The following CTNNA3 variants were observed in gnomAD, a reference collection of about 807,000 sequenced individuals.
The protein encoded by CTNNA3 is catenin alpha 3.
A neutral mutation model predicts 95.7 loss-of-function variants in CTNNA3; 76 were observed. That is an observed-to-expected ratio of 0.79 (90% CI 0.66 to 0.96). The LOEUF is 0.96. Among genes scored for constraint, CTNNA3 ranks in the 40% least tolerant of loss-of-function variants. CTNNA3 has a pLI of 0.00. For synonymous variants in CTNNA3, 431 were observed against 374.4 expected (o/e 1.15, Z -1.74); for missense variants, 1,191 against 1,089.8 (o/e 1.09, Z -1.31).
At chr10:67,146,244 C>G (rs1448804021) in intron 7 of CTNNA3, among the ~76,000 whole-genome samples, 3 of 152,164 alleles carry the variant, frequency 2.0e-5, no homozygotes, top group Non-Finnish European at 4.4e-5. Context: ...GTGCCTAGCT[C>G]TCTGTGAATT....
chr10:67,150,250 G>T (rs1175380254), intron 7 of CTNNA3, among the ~76,000 whole-genome samples: 2 of 152,048 alleles, frequency 1.3e-5, no homozygotes, highest in Non-Finnish European at 2.9e-5. Flanking sequence ...ATGGAATTTT[G>T]ATTTGCAAAC....
intron 5 of CTNNA3, among the ~76,000 whole-genome samples, chr10:67,224,528 C>A (rs1426127314): frequency 1.3e-5 from 2 of 152,156 alleles, no homozygotes; most frequent in Non-Finnish European, 1.5e-5. Flanking sequence ...GGAGACACCA[C>A]AAATACTGTG....
At chr10:67,527,530 C>A (rs1840185630) in intron 4 of CTNNA3, among the ~76,000 whole-genome samples, 1 of 152,198 alleles carries the variant, frequency 6.6e-6, no homozygotes, top group Admixed American at 6.5e-5. Context: ...TGAAAATTTT[C>A]AGTTGAGCAA....
At chr10:66,789,848 A>G (rs1840898566) in intron 7 of CTNNA3, among the ~76,000 whole-genome samples, 1 of 152,188 alleles carries the variant, frequency 6.6e-6, no homozygotes, top group South Asian at 2.1e-4. Flanking sequence ...TTGGGAGCTA[A>G]GGGCAGCAAG....
At chr10:67,233,027 T>G (rs1461784422) in intron 5 of CTNNA3, among the ~76,000 whole-genome samples, 2 of 152,192 alleles carry the variant, frequency 1.3e-5, no homozygotes, top group African/African-American at 4.8e-5. Context: ...CTGAGTGACC[T>G]ACAAAGAGAC....
At chr10:66,836,395 T>C (rs906214727) in intron 7 of CTNNA3, among the ~76,000 whole-genome samples, 1 of 152,146 alleles carries the variant, frequency 6.6e-6, no homozygotes, top group Non-Finnish European at 1.5e-5. Flanking sequence ...AGGAGAGTCA[T>C]GTGAAGATCC....
At chr10:67,021,202 C>T (rs1488305276) in intron 7 of CTNNA3, among the ~76,000 whole-genome samples, 1 of 152,032 alleles carries the variant, frequency 6.6e-6, no homozygotes, top group Admixed American at 6.6e-5. Flanking sequence ...GTTCAATTAT[C>T]CAACACAATA....
At chr10:67,175,923 G>A (rs779075905) in intron 7 of CTNNA3, among the ~76,000 whole-genome samples, 3 of 152,002 alleles carry the variant, frequency 2.0e-5, no homozygotes, top group Non-Finnish European at 2.9e-5. Flanking sequence ...ACAGGGCCTC[G>A]TTGCTCTGCC....
chr10:66,703,042 T>G (rs1848006420), intron 9 of CTNNA3, among the ~76,000 whole-genome samples: 1 of 152,174 alleles, frequency 6.6e-6, no homozygotes, highest in Admixed American at 6.5e-5. Context: ...TTCTTTGATA[T>G]TTACTTCTGC....
At chr10:66,195,026 T>C (rs1427195938) in intron 13 of CTNNA3, among the ~76,000 whole-genome samples, 1 of 152,194 alleles carries the variant, frequency 6.6e-6, no homozygotes, top group Non-Finnish European at 1.5e-5. Flanking sequence ...ATGCATACTT[T>C]CAAAATGACA....
At chr10:65,927,441 C>T (rs1380109857) in intron 17 of CTNNA3, among the ~76,000 whole-genome samples, 1 of 152,104 alleles carries the variant, frequency 6.6e-6, no homozygotes, top group African/African-American at 2.4e-5. Flanking sequence ...TTCCTTAAGC[C>T]TATTATCAGT....
intron 9 of CTNNA3, among the ~76,000 whole-genome samples, chr10:66,703,448 G>A (rs1232560554): frequency 6.6e-6 from 1 of 152,116 alleles, no homozygotes; most frequent in Non-Finnish European, 1.5e-5. Flanking sequence ...CATTATTTTT[G>A]ATGAAAATTT....
At chr10:67,740,002 C>T (rs867837222) in intron 1 of CTNNA3, among the ~76,000 whole-genome samples, 1 of 152,088 alleles carries the variant, frequency 6.6e-6, no homozygotes, top group East Asian at 1.9e-4. Flanking sequence ...GAAATAACGC[C>T]GCATATCTAC....
At chr10:66,020,888 T>A (rs967551417) in intron 15 of CTNNA3, among the ~76,000 whole-genome samples, 2 of 152,050 alleles carry the variant, frequency 1.3e-5, no homozygotes, top group Non-Finnish European at 2.9e-5. Flanking sequence ...TTAGCCAGGA[T>A]GGTCTCGATC....
chr10:66,784,607 T>G (rs975301889), intron 7 of CTNNA3, among the ~76,000 whole-genome samples: 7 of 152,192 alleles, frequency 4.6e-5, no homozygotes, highest in Non-Finnish European at 8.8e-5. Context: ...TCCATTCTTC[T>G]TTATTTCATT....
At chr10:66,254,666 G>A (rs970387288) in intron 13 of CTNNA3, among the ~76,000 whole-genome samples, 5 of 152,150 alleles carry the variant, frequency 3.3e-5, no homozygotes, top group African/African-American at 4.8e-5. Flanking sequence ...ACACCCTGCC[G>A]GGCATCTTTT....
chr10:66,372,481 C>T (rs2092761458), intron 12 of CTNNA3, among the ~76,000 whole-genome samples: 1 of 152,108 alleles, frequency 6.6e-6, no homozygotes, highest in African/African-American at 2.4e-5. Flanking sequence ...AGCATGTTCC[C>T]ATTCTCTGGT....
At chr10:66,935,742 A>G (rs934337507) in intron 7 of CTNNA3, among the ~76,000 whole-genome samples, 1 of 151,904 alleles carries the variant, frequency 6.6e-6, no homozygotes, top group African/African-American at 2.4e-5. Flanking sequence ...TTATCTAATG[A>G]TTTGATAAAA....
At chr10:67,600,650 A>G (rs1292818442) in intron 3 of CTNNA3, among the ~76,000 whole-genome samples, 2 of 152,208 alleles carry the variant, frequency 1.3e-5, no homozygotes, top group African/African-American at 4.8e-5. Context: ...CTGTTTGGTA[A>G]TATCTACTAA....
Sources: gnomAD v4.1 joint callset for allele counts (sites outside exome capture counted in the v4.1 genomes callset) on GRCh38, gnomAD v4.1.1 for gene constraint, MANE v1.5 for transcripts, NCBI Gene and HGNC (gene_info 2026-07-23, HGNC 2026-07-21) for gene names.